Variants in NRG3 observed in about 807,000 individuals in gnomAD.
The protein encoded by NRG3 is pro-neuregulin-3, membrane-bound isoform.
Under a neutral mutation model 66.9 loss-of-function variants are expected in NRG3, and 31 were observed. The observed-to-expected ratio is 0.46, with a 90% CI of 0.35 to 0.63. NRG3 has a LOEUF of 0.63. Among genes scored for constraint, NRG3 ranks in the 20% least tolerant of loss-of-function variants. NRG3 has a pLI of 0.00. For missense variants in NRG3, 910 were observed against 878.9 expected, an observed-to-expected ratio of 1.04 and a Z score of -0.45; for synonymous variants, 393 against 359.4, an observed-to-expected ratio of 1.09 and a Z score of -1.06.
At chr10:82,620,814 A>G (rs1417325187) in intron 2 of NRG3, among the ~76,000 whole-genome samples, 2 of 152,014 alleles carry the variant, frequency 1.3e-5, no homozygotes, top group Non-Finnish European at 2.9e-5. Flanking sequence ...TGCCTCTATC[A>G]TTAACACAAC....
At chr10:81,966,166 A>C (rs563971189) in intron 1 of NRG3, among the ~76,000 whole-genome samples, 2 of 151,864 alleles carry the variant, frequency 1.3e-5, no homozygotes, top group South Asian at 4.2e-4. Context: ...TCAATTAATG[A>C]ATTGATTTAC....
At chr10:82,919,325 G>C (rs1298166876) in intron 4 of NRG3, among the ~76,000 whole-genome samples, 1 of 152,080 alleles carries the variant, frequency 6.6e-6, no homozygotes, top group African/African-American at 2.4e-5. Flanking sequence ...GAGCAAAGCA[G>C]TTTCTCCTTA....
chr10:82,978,380 C>A (rs1852503075), intron 7 of NRG3, among the ~76,000 whole-genome samples: 1 of 152,234 alleles, frequency 6.6e-6, no homozygotes, highest in South Asian at 2.1e-4. Flanking sequence ...TAAAAGCAAA[C>A]TCAGAAGAAA....
intron 1 of NRG3, among the ~76,000 whole-genome samples, chr10:82,069,719 A>G (rs1015115015): frequency 3.3e-5 from 5 of 152,220 alleles, no homozygotes; most frequent in African/African-American, 9.6e-5. Context: ...TATAAAACCT[A>G]TATCAAAAAT....
chr10:82,157,363 T>A (rs1412801899), intron 1 of NRG3, among the ~76,000 whole-genome samples: 1 of 151,748 alleles, frequency 6.6e-6, no homozygotes, highest in East Asian at 1.9e-4. Context: ...TCCAGAAGGA[T>A]TCAATCTGTA....
chr10:82,376,473 T>C (rs1303675501), intron 2 of NRG3, among the ~76,000 whole-genome samples: 1 of 152,144 alleles, frequency 6.6e-6, no homozygotes, highest in Non-Finnish European at 1.5e-5. Flanking sequence ...ACAAAATAGG[T>C]ATTTCACCCT....
At chr10:82,214,036 G>A (rs1226427904) in intron 1 of NRG3, among the ~76,000 whole-genome samples, 1 of 152,142 alleles carries the variant, frequency 6.6e-6, no homozygotes, top group African/African-American at 2.4e-5. Context: ...TATGAAGATG[G>A]CAGTGTCTGG....
intron 1 of NRG3, among the ~76,000 whole-genome samples, chr10:82,141,056 A>G (rs1264801794): frequency 6.6e-6 from 1 of 152,072 alleles, no homozygotes; most frequent in Non-Finnish European, 1.5e-5. Flanking sequence ...ACATATGGGG[A>G]ACCAGTTGAA....
chr10:82,304,983 C>CTTTTTTTTTTT (rs760661674), intron 1 of NRG3, among the ~76,000 whole-genome samples: 1 of 73,832 alleles, frequency 1.4e-5, no homozygotes, highest in African/African-American at 6.4e-5. Flanking sequence ...TCAGATTCCT[C>CTTTTTTTTTTT]TTTTTTTTTT....
At chr10:82,335,890 C>G (rs1021405689) in intron 1 of NRG3, among the ~76,000 whole-genome samples, 1 of 152,088 alleles carries the variant, frequency 6.6e-6, no homozygotes, top group Non-Finnish European at 1.5e-5. Context: ...AAGCCACTTT[C>G]CCCAGTAATG....
intron 1 of NRG3, among the ~76,000 whole-genome samples, chr10:82,051,208 A>T (rs547286923): frequency 6.6e-6 from 1 of 152,138 alleles, no homozygotes; most frequent in South Asian, 2.1e-4. Context: ...AAGGACATTA[A>T]TTTTTAAGAG....
chr10:82,848,840 C>T (rs1414404317), intron 3 of NRG3, among the ~76,000 whole-genome samples: 3 of 152,098 alleles, frequency 2.0e-5, no homozygotes, highest in Non-Finnish European at 4.4e-5. Flanking sequence ...GGGTGGTTCC[C>T]CTGCACATGT....
At chr10:82,353,364 A>G (rs1295747602) in intron 1 of NRG3, among the ~76,000 whole-genome samples, 1 of 152,178 alleles carries the variant, frequency 6.6e-6, no homozygotes, top group Non-Finnish European at 1.5e-5. Flanking sequence ...CATCGTTTCA[A>G]TTCATTAATA....
At chr10:82,288,463 C>T (rs2079543073) in intron 1 of NRG3, among the ~76,000 whole-genome samples, 1 of 152,092 alleles carries the variant, frequency 6.6e-6, no homozygotes, top group Admixed American at 6.5e-5. Flanking sequence ...TTCACTGAGG[C>T]TCAGGCAGTA....
At chr10:82,979,459 C>T (rs2132650955) in intron 8 of NRG3, among the ~76,000 whole-genome samples, 1 of 152,248 alleles carries the variant, frequency 6.6e-6, no homozygotes, top group Non-Finnish European at 1.5e-5. Flanking sequence ...CCTTCATCTG[C>T]AGATTAGAAA....
At chr10:82,959,219 G>T in intron 6 of NRG3, 144 bp downstream of exon 6, 1 of 830,638 alleles carries the variant, frequency 1.2e-6, no homozygotes. Flanking sequence ...GTTCTGGGCT[G>T]GGACGTATGC....
chr10:82,622,796 T>C (rs1402688325), intron 2 of NRG3, among the ~76,000 whole-genome samples: 1 of 152,176 alleles, frequency 6.6e-6, no homozygotes, highest in Non-Finnish European at 1.5e-5. Flanking sequence ...CATCCATCTG[T>C]GGCAGTACTC....
At chr10:82,056,501 A>G (rs2063853344) in intron 1 of NRG3, among the ~76,000 whole-genome samples, 1 of 152,210 alleles carries the variant, frequency 6.6e-6, no homozygotes, top group African/African-American at 2.4e-5. Context: ...GCCACAGGAA[A>G]TCAAAGAATG....
At chr10:82,865,719 A>G (rs963232978) in intron 4 of NRG3, among the ~76,000 whole-genome samples, 3 of 152,190 alleles carry the variant, frequency 2.0e-5, no homozygotes, top group African/African-American at 7.2e-5. Flanking sequence ...CTCAATTTTC[A>G]TATCTGTAAA....
Sources: gnomAD v4.1 joint callset for allele counts (sites outside exome capture counted in the v4.1 genomes callset) on GRCh38, gnomAD v4.1.1 for gene constraint, MANE v1.5 for transcripts, NCBI Gene and HGNC (gene_info 2026-07-23, HGNC 2026-07-21) for gene names.